TGFBRAP1: variants seen among roughly 807,000 people sequenced by gnomAD.
The protein encoded by TGFBRAP1 is transforming growth factor beta receptor associated protein 1.
TGFBRAP1 carries 20 observed loss-of-function variants against 83.2 expected under a neutral mutation model. That is an observed-to-expected ratio of 0.24 (90% confidence interval 0.17 to 0.35). The LOEUF is 0.35. Among genes scored for constraint, TGFBRAP1 ranks in the 10% least tolerant of loss-of-function variants. TGFBRAP1 has a pLI of 1.00. For missense variants in TGFBRAP1, 950 were observed against 1,099.4 expected (o/e 0.86, Z 1.92); for synonymous variants, 415 against 459.8 (o/e 0.90, Z 1.25).
intron 11 of TGFBRAP1, among the ~76,000 whole-genome samples, chr2:105,268,549 C>T (rs1480564129): frequency 6.6e-6 from 1 of 152,246 alleles, no homozygotes; most frequent in East Asian, 1.9e-4. Context: ...TATGAAATAC[C>T]AAATCACATC....
In TGFBRAP1 at chr2:105,307,906, G is replaced by T. The variant is rs1353568762; in HGVS notation, c.396C>A (p.Asp132Glu). Residue 132 changes from aspartate to glutamate, a missense_variant, in exon 2 of 12, where the codon GAC becomes GAA. Asp to Glu is a conservative substitution (Grantham distance 45). Transcript: ENST00000393359. ...FALNENPVSG[D>E]PFCVEVCIIS... ...TGATGCAAACTTCTACACAGAAGGG[G>T]TCCCCACTCACAGGGTTCTCGTTCA... 1.2e-6 allele frequency: 2 copies of T among 1,614,218 alleles called. No homozygotes were observed. The highest frequency in any genetic ancestry group is 1.7e-6 in the Non-Finnish European group (2 of 1,180,052).
Position 105,276,369 on chromosome 2 carries a change from C to T in TGFBRAP1, c.1522-666G>A, listed in dbSNP as rs111518870. ...ATGACGGTTGCGTGGGTTCCTTCTG[C>T]AATACCTGCATGGCGTGCCTCACCC... On this transcript the variant is annotated intron_variant, in intron 7 of 11. Transcript: ENST00000393359. Among the ~76,000 whole-genome samples the T allele has an allele frequency of 5.9e-5, 9 of 152,260 alleles. No homozygotes were observed. The South Asian group carries it at 6.2e-4, about 11-fold the overall frequency.
rs759342925 is a variant in TGFBRAP1 at position 105,307,791 on chromosome 2, G to A, written c.511C>T (p.Leu171Phe). Residue 171 changes from leucine to phenylalanine, a missense_variant, in exon 2 of 12, where the codon CTC becomes TTC. Coordinates refer to ENST00000393359, the MANE Select transcript of TGFBRAP1 (RefSeq NM_004257.6). The part of the protein sequence containing the change: ...VKEVSTAEQP[L>F]AVAVDGHFLC... Reference sequence around the variant, plus strand: ...AAGTGGCCGTCCACAGCCACAGCGAGGGGCTGCTCGGCAGTCGACACCTCC... The same window carrying A: ...AAGTGGCCGTCCACAGCCACAGCGAAGGGCTGCTCGGCAGTCGACACCTCC... 6.2e-7 allele frequency: 1 copy of A among 1,614,206 alleles called. No homozygotes were observed. Among genetic ancestry groups the A allele is most frequent in the South Asian group, 1.1e-5 (1 of 91,086 alleles).
rs1377860621 is a variant in TGFBRAP1, at chr2:105,267,424, G to T, written c.2542C>A (p.His848Asn). 6.2e-7 allele frequency: 1 copy of T among 1,614,214 alleles called. No individual in the cohort carries two copies. The highest frequency in any genetic ancestry group is 2.2e-5 in the East Asian group (1 of 44,880). The change falls in exon 12 of 12, where the codon CAC becomes AAC. Residue 848 changes from histidine to asparagine, a missense_variant. Coordinates refer to ENST00000393359, the MANE Select transcript of TGFBRAP1 (RefSeq NM_004257.6). ...GGACTGGATGAGCTGGGGTTTGTGT[G>T]TCTGCTGGCGGCACAGTGGGTGTGC... The part of the protein sequence containing the change: ...LVHTHCAASR[H>N]TNPSSSSPGT...
intron 4 of TGFBRAP1, among the ~76,000 whole-genome samples, chr2:105,290,616 A>AGT (rs3060065): frequency 0.28 from 39,421 of 139,400 alleles, 5,871 homozygotes; most frequent in Non-Finnish European, 0.36. Flanking sequence ...ACAGAGAGAC[A>AGT]GTGTGTGTGT....
At chr2:105,267,919 T>G (rs1676999805) in intron 11 of TGFBRAP1, 1 of 977,344 alleles carries the variant, frequency 1.0e-6, no homozygotes, top group Admixed American at 6.2e-5. Context: ...CATATAATAG[T>G]GTAACTCCAG....
chr2:105,258,777 T>TACACA, the TGFBRAP1 span, among the ~76,000 whole-genome samples: 1 of 146,768 alleles, frequency 6.8e-6, no homozygotes, highest in African/African-American at 2.6e-5. Context: ...ACACACACTG[T>TACACA]CTCTCTCTCT....
At chr2:105,308,413 T>C in intron 1 of TGFBRAP1, 95 bp from the exon 2 acceptor site, 1 of 1,239,438 alleles carries the variant, frequency 8.1e-7, no homozygotes, top group East Asian at 2.6e-5. Flanking sequence ...AGTTGTCATT[T>C]TCATTAAAGA....
chr2:105,317,851 G>A (rs1460734932), intron 1 of TGFBRAP1, among the ~76,000 whole-genome samples: 1 of 152,134 alleles, frequency 6.6e-6, no homozygotes, highest in Non-Finnish European at 1.5e-5. Flanking sequence ...CAATGGAGAG[G>A]AAACATGAAT....
chr2:105,329,398 G>C (rs1679305436), intron 1 of TGFBRAP1, among the ~76,000 whole-genome samples: 1 of 151,716 alleles, frequency 6.6e-6, no homozygotes, highest in African/African-American at 2.4e-5. Flanking sequence ...CCCCCACAAG[G>C]GACAGCTACC....
At chr2:105,316,547 C>T (rs571096198) in intron 1 of TGFBRAP1, among the ~76,000 whole-genome samples, 13 of 151,322 alleles carry the variant, frequency 8.6e-5, no homozygotes, top group South Asian at 2.1e-4. Context: ...TGGCTCATGC[C>T]TGTAATCCTG....
chr2:105,304,975 A>G (rs960621606), intron 2 of TGFBRAP1, among the ~76,000 whole-genome samples: 1 of 152,192 alleles, frequency 6.6e-6, no homozygotes, highest in African/African-American at 2.4e-5. Flanking sequence ...AGGACTTTTA[A>G]GGTGGTGAAA....
chr2:105,278,811 T>G (rs1285581361), intron 6 of TGFBRAP1, among the ~76,000 whole-genome samples: 1 of 152,048 alleles, frequency 6.6e-6, no homozygotes, highest in East Asian at 1.9e-4. Flanking sequence ...TGGAAAGTCA[T>G]GCTGACTCTA....
the TGFBRAP1 span, among the ~76,000 whole-genome samples, chr2:105,253,094 G>A: frequency 4.6e-5 from 7 of 152,030 alleles, no homozygotes; most frequent in Admixed American, 2.0e-4. Flanking sequence ...TATAAATTGT[G>A]TACAAGAATG....
chr2:105,296,621 T>C (rs1056133015), intron 3 of TGFBRAP1, 111 bp from the exon 4 acceptor site: 1 of 1,223,820 alleles, frequency 8.2e-7, no homozygotes, highest in Non-Finnish European at 1.1e-6. Context: ...AACTTCACCA[T>C]AGTTTTCTCA....
intron 2 of TGFBRAP1, among the ~76,000 whole-genome samples, chr2:105,306,999 A>G (rs1678521821): frequency 6.6e-6 from 1 of 152,206 alleles, no homozygotes; most frequent in Non-Finnish European, 1.5e-5. Context: ...ATGTGCACCA[A>G]CTACTAGTAA....
chr2:105,273,564 C>T lies in TGFBRAP1; in HGVS notation c.1792G>A (p.Val598Met). The T allele has an allele frequency of 6.2e-7, 1 of 1,614,188 alleles. No homozygotes were observed. Among genetic ancestry groups the T allele is most frequent in the Non-Finnish European group, 8.5e-7 (1 of 1,180,024 alleles). Residue 598 changes from valine (V) to methionine (M), a missense_variant, in exon 9 of 12, where the codon GTG (valine) becomes ATG (methionine). Transcript: ENST00000393359. ...KALVKYLEHL[V>M]IDKRLQKEEY... ...CTCACCTGCAGTCTCTTGTCTATCA[C>T]AAGATGTTCCAGATACTTCACAAGG... is the stretch of plus-strand genomic sequence containing the variant.
chr2:105,257,866 A>G, the TGFBRAP1 span, among the ~76,000 whole-genome samples: 1 of 152,178 alleles, frequency 6.6e-6, no homozygotes, highest in African/African-American at 2.4e-5. Context: ...AATGGGTTCA[A>G]AATCAGCACA....
intron 4 of TGFBRAP1, among the ~76,000 whole-genome samples, chr2:105,288,429 T>A (rs1677789906): frequency 6.6e-6 from 1 of 152,258 alleles, no homozygotes; most frequent in Non-Finnish European, 1.5e-5. Flanking sequence ...CTGGCTAGAT[T>A]ATACGATCAA....
Sources: gnomAD v4.1 joint callset for allele counts (sites outside exome capture counted in the v4.1 genomes callset) on GRCh38, gnomAD v4.1.1 for gene constraint, MANE v1.5 for transcripts, NCBI Gene and HGNC (gene_info 2026-07-23, HGNC 2026-07-21) for gene names.